Variants in TRIM2 observed in about 807,000 individuals in gnomAD.
The protein encoded by TRIM2 is tripartite motif containing 2.
A neutral mutation model predicts 75.2 loss-of-function variants in TRIM2; 20 were observed. The observed-to-expected ratio is 0.27, with a 90% CI of 0.19 to 0.39. The LOEUF (loss-of-function observed/expected upper bound fraction) is 0.39, where lower values mean the gene tolerates loss of function less well. Ranked by LOEUF, TRIM2 falls within the 10% of genes least tolerant of loss-of-function variation. The pLI, the probability that TRIM2 is intolerant of heterozygous loss-of-function variation, is 1.00. For missense variants in TRIM2, 660 were observed against 990.8 expected (o/e 0.67, Z 4.48); for synonymous variants, 373 against 388.3 (o/e 0.96, Z 0.46).
intron 1 of TRIM2, among the ~76,000 whole-genome samples, chr4:153,268,225 T>C (rs1476040089): frequency 6.6e-6 from 1 of 152,194 alleles, no homozygotes; most frequent in South Asian, 2.1e-4. Flanking sequence ...CGAAGAGCAA[T>C]TTAGGGAGGT....
intron 3 of TRIM2, among the ~76,000 whole-genome samples, chr4:153,282,314 T>G (rs948977981): frequency 1.3e-5 from 2 of 152,240 alleles, no homozygotes; most frequent in Non-Finnish European, 2.9e-5. Context: ...TTTCAGGGCC[T>G]TGGCTTCCCA....
intron 1 of TRIM2, among the ~76,000 whole-genome samples, chr4:153,196,238 AAC>A (rs1733750155): frequency 6.8e-6 from 1 of 147,970 alleles, no homozygotes. Context: ...CAGCTTGGGC[AAC>A]ATGGCAAGAC....
intron 1 of TRIM2, among the ~76,000 whole-genome samples, chr4:153,181,644 C>T (rs574187514): frequency 7.2e-5 from 11 of 152,298 alleles, no homozygotes; most frequent in East Asian, 1.9e-4. Context: ...GGGCTAGACA[C>T]GCTCAGAGCA....
chr4:153,235,585 C>T (rs1305941146), intron 1 of TRIM2, among the ~76,000 whole-genome samples: 2 of 152,126 alleles, frequency 1.3e-5, no homozygotes, highest in Non-Finnish European at 2.9e-5. Context: ...GGTGCCCCGC[C>T]AAGTTAAGAG....
intron 1 of TRIM2, among the ~76,000 whole-genome samples, chr4:153,244,550 T>A (rs1165078349): frequency 6.6e-6 from 1 of 151,122 alleles, no homozygotes; most frequent in Non-Finnish European, 1.5e-5. Context: ...TGTGTACCAC[T>A]GCACCTAGCA....
At chr4:153,196,003 G>A (rs1210649258) in intron 1 of TRIM2, among the ~76,000 whole-genome samples, 1 of 152,144 alleles carries the variant, frequency 6.6e-6, no homozygotes, top group Non-Finnish European at 1.5e-5. Flanking sequence ...AAAGACGGGG[G>A]TTTGCCATGT....
intron 8 of TRIM2, among the ~76,000 whole-genome samples, chr4:153,320,422 G>T (rs1768674565): frequency 6.6e-6 from 1 of 152,170 alleles, no homozygotes; most frequent in South Asian, 2.1e-4. Flanking sequence ...ATTTCTATCA[G>T]ACAGCACTAA....
chr4:153,188,676 C>A (rs1257944179), intron 1 of TRIM2, among the ~76,000 whole-genome samples: 3 of 151,860 alleles, frequency 2.0e-5, no homozygotes. Flanking sequence ...TGCCTATAAT[C>A]CCAGTGCTTT....
Position 153,338,250 on chromosome 4 carries a change from C to G in TRIM2, c.*3284C>G. 3.0e-6 allele frequency: 3 copies of G among 985,772 alleles called. No individual in the cohort carries two copies. The highest frequency in any genetic ancestry group is 3.6e-6 in the Non-Finnish European group (3 of 829,910). The allele number at this position is 985,772 out of a possible 1,614,324, so 61.1% of individuals were successfully genotyped here. A position where few individuals can be genotyped will look rare whatever the true frequency, so the allele number is the denominator to read the frequency against. ...GGTTAACAGAAATGCTTTGGTAATACCTACTTAGTTAATTGGAGGAAGTAG... is the reference window on the plus strand; with the variant it reads ...GGTTAACAGAAATGCTTTGGTAATAGCTACTTAGTTAATTGGAGGAAGTAG... On this transcript the variant is annotated 3_prime_UTR_variant, in exon 12 of 12. Coordinates refer to ENST00000338700, the MANE Select transcript of TRIM2 (RefSeq NM_015271.5).
Position 153,293,069 on chromosome 4 carries a change from C to T in TRIM2, c.541C>T (p.Leu181Phe), listed in dbSNP as rs754986666. 2 of 1,613,692 alleles carry T rather than the reference C, an allele frequency of 1.2e-6. No homozygotes were observed. ...GEHAEHPTVP[L>F]KDVVEQHKAS... Reference sequence around the variant, plus strand: ...GCACGCAGAGCACCCCACAGTTCCACTCAAGGATGTGGTGGAACAGCACAA... The same window carrying T: ...GCACGCAGAGCACCCCACAGTTCCATTCAAGGATGTGGTGGAACAGCACAA... The change falls in exon 4 of 12, where the codon CTC (leucine) becomes TTC (phenylalanine). Residue 181 changes from leucine to phenylalanine, a missense_variant. Leu to Phe is a conservative substitution (Grantham distance 22). Around this residue, in one of 2 missense-constraint regions of TRIM2, gnomAD observed 620 missense variants for 891.0 expected, o/e 0.70. Coordinates refer to ENST00000338700, the MANE Select transcript of TRIM2 (RefSeq NM_015271.5).
At chr4:153,303,280 A>G (rs1192006887) in intron 6 of TRIM2, among the ~76,000 whole-genome samples, 3 of 151,378 alleles carry the variant, frequency 2.0e-5, no homozygotes, top group Non-Finnish European at 2.9e-5. Context: ...CTTGGCCAAC[A>G]TGGTGAAGCC....
At chr4:153,212,826 C>G (rs1325840859) in intron 1 of TRIM2, among the ~76,000 whole-genome samples, 1 of 152,120 alleles carries the variant, frequency 6.6e-6, no homozygotes, top group Non-Finnish European at 1.5e-5. Flanking sequence ...TTAATCAAAG[C>G]AGTCTGTTCT....
At chr4:153,226,110 A>C (rs758967834) in intron 1 of TRIM2, among the ~76,000 whole-genome samples, 2 of 152,166 alleles carry the variant, frequency 1.3e-5, no homozygotes, top group Non-Finnish European at 2.9e-5. Context: ...GCCTCAAGCA[A>C]TCCTCCTGCT....
intron 6 of TRIM2, among the ~76,000 whole-genome samples, chr4:153,299,002 G>T (rs1489579182): frequency 1.3e-5 from 2 of 152,092 alleles, no homozygotes; most frequent in Non-Finnish European, 2.9e-5. Flanking sequence ...GCCTCCCAAA[G>T]TGCTGGGATT....
chr4:153,316,898 T>TTTTTTTTTTA (rs1767740644), intron 8 of TRIM2, among the ~76,000 whole-genome samples: 1 of 144,566 alleles, frequency 6.9e-6, no homozygotes, highest in Non-Finnish European at 1.5e-5. Context: ...TTTTTTTTTT[T>TTTTTTTTTTA]GAGACGGAGT....
At chr4:153,174,481 G>GC (rs984585484) in intron 1 of TRIM2, among the ~76,000 whole-genome samples, 1 of 152,072 alleles carries the variant, frequency 6.6e-6, no homozygotes, top group Admixed American at 6.5e-5. Flanking sequence ...CAGGCCCCCT[G>GC]CCCCCACCGG....
rs1417350662 is a variant in TRIM2 at position 153,334,977 on chromosome 4, G to A, written c.*11G>A. The stretch of plus-strand genomic sequence containing the variant: ...CGATACTTACAGTAATGGTGGGCAG[G>A]TGGATACCCGCTTCCATGGTCTTGC... On this transcript the variant is annotated 3_prime_UTR_variant, in exon 12 of 12. Transcript: ENST00000338700. The A allele has an allele frequency of 4.4e-6, 7 of 1,607,738 alleles. No individual in the cohort carries two copies. The highest frequency in any genetic ancestry group is 1.7e-5 in the Admixed American group (1 of 59,424).
At chr4:153,306,801 A>G (rs1313599791) in intron 6 of TRIM2, among the ~76,000 whole-genome samples, 1 of 152,212 alleles carries the variant, frequency 6.6e-6, no homozygotes, top group Admixed American at 6.5e-5. Flanking sequence ...CACTGCAGAA[A>G]TGGGAAATGC....
chr4:153,197,036 T>C (rs1253941405), intron 1 of TRIM2, among the ~76,000 whole-genome samples: 1 of 152,230 alleles, frequency 6.6e-6, no homozygotes, highest in Non-Finnish European at 1.5e-5. Flanking sequence ...GAAAACCCAT[T>C]GGCATGTTTG....
Sources: gnomAD v4.1 joint callset for allele counts (sites outside exome capture counted in the v4.1 genomes callset) on GRCh38, gnomAD v4.1.1 for gene constraint, gnomAD v4.1.1 regional missense constraint, MANE v1.5 for transcripts, NCBI Gene and HGNC (gene_info 2026-07-23, HGNC 2026-07-21) for gene names.